The following MGAT5B variants were observed in gnomAD, a reference collection of about 807,000 sequenced individuals.
MGAT5B encodes N-acetylglucosaminyl-transferase Vb.
Under a neutral mutation model 95.1 loss-of-function variants are expected in MGAT5B, and 54 were observed. The observed-to-expected ratio is 0.57, with a 90% confidence interval of 0.46 to 0.71. The LOEUF (loss-of-function observed/expected upper bound fraction) is 0.71, where lower values mean the gene tolerates loss of function less well. Among genes scored for constraint, MGAT5B ranks in the 30% least tolerant of loss-of-function variants. The pLI is 0.00. For missense variants in MGAT5B, 935 were observed against 1,088.6 expected (o/e 0.86, Z 1.99); for synonymous variants, 464 against 451.0 (o/e 1.03, Z -0.36).
At position 76,948,960 on chromosome 17, in the gene MGAT5B, CTT is replaced by C; in HGVS notation, c.*123_*124del. 8.7e-7 allele frequency: 1 copy of C among 1,151,938 alleles called. No individual in the cohort carries two copies. Among genetic ancestry groups the C allele is most frequent in the Non-Finnish European group, 1.2e-6 (1 of 834,728 alleles). The allele number at this position is 1,151,938 out of a possible 1,614,324, so 71.4% of individuals were successfully genotyped here. A position where few individuals can be genotyped will look rare whatever the true frequency, so the allele number is the denominator to read the frequency against. ...CGCAACCCCCCCAGGCCGGAGCTTC[CTT>C]CCTTAGCCGGGAAGCTGGCAGAGGA... On this transcript the variant is annotated 3_prime_UTR_variant, in exon 18 of 18. Transcript: ENST00000569840.
intron 4 of MGAT5B, 41 bp from the exon 5 acceptor site, chr17:76,903,262 C>T (rs1464192080): frequency 1.3e-6 from 2 of 1,556,986 alleles, no homozygotes; most frequent in East Asian, 2.3e-5. Flanking sequence ...CTGGGCTCCT[C>T]CTTGGACCAG....
At chr17:76,893,182 G>A (rs1967941586) in intron 3 of MGAT5B, among the ~76,000 whole-genome samples, 1 of 152,080 alleles carries the variant, frequency 6.6e-6, no homozygotes, top group African/African-American at 2.4e-5. Context: ...ACACACCCCA[G>A]GTTGCTCTCT....
At chr17:76,924,722 A>G (rs1463743592) in intron 8 of MGAT5B, among the ~76,000 whole-genome samples, 1 of 152,232 alleles carries the variant, frequency 6.6e-6, no homozygotes, top group African/African-American at 2.4e-5. Context: ...TCTTCCTGGC[A>G]GGTAACCCAG....
At chr17:76,927,617 T>G (rs1969354682) in intron 10 of MGAT5B, among the ~76,000 whole-genome samples, 1 of 152,216 alleles carries the variant, frequency 6.6e-6, no homozygotes, top group Admixed American at 6.5e-5. Flanking sequence ...CTGAAAACAA[T>G]TTCACCTTTT....
At chr17:76,935,667 GTTGT>G (rs1458942420) in intron 12 of MGAT5B, among the ~76,000 whole-genome samples, 1 of 142,456 alleles carries the variant, frequency 7.0e-6, no homozygotes, top group Non-Finnish European at 1.5e-5. Context: ...AAAATATTAG[GTTGT>G]TTATTTTCTT....
chr17:76,947,292 G>A (rs573747584), intron 16 of MGAT5B, among the ~76,000 whole-genome samples: 1 of 152,214 alleles, frequency 6.6e-6, no homozygotes, highest in Non-Finnish European at 1.5e-5. Flanking sequence ...TTTACAGATG[G>A]GAATACTGAA....
At chr17:76,907,498 C>T (rs986377475) in intron 8 of MGAT5B, among the ~76,000 whole-genome samples, 1 of 114,920 alleles carries the variant, frequency 8.7e-6, no homozygotes, top group Non-Finnish European at 1.7e-5. Context: ...CAAACTCACT[C>T]TGTTTCAAAG....
At position 76,903,383 on chromosome 17, in the gene MGAT5B, C is replaced by T. The variant is rs770270162; in HGVS notation, c.519+7C>T. 1.9e-6 allele frequency: 3 copies of T among 1,607,904 alleles called. No individual in the cohort carries two copies. The highest frequency in any genetic ancestry group is 2.5e-6 in the Non-Finnish European group (3 of 1,176,878). ...CTGCTCAGGGAAGGTGGAGGTGAGG[C>T]CTGGGGCTGAGGGGTGGGGATGTCT... On this transcript the variant is annotated splice_region_variant and intron_variant, in intron 5 of 17. Transcript: ENST00000569840.
chr17:76,926,707 C>A lies in MGAT5B; in HGVS notation c.1268C>A (p.Pro423His). ...RTNWGYWNLN[P>H]KQFMTMFPHT... Reference sequence around the variant, plus strand: ...AACTGGGGCTACTGGAACCTCAACCCCAAGCAGTTCATGACCATGTTTCGT... The same window carrying A: ...AACTGGGGCTACTGGAACCTCAACCACAAGCAGTTCATGACCATGTTTCGT... The change falls in exon 10 of 18, where the codon CCC (proline) becomes CAC (histidine). Residue 423 changes from proline to histidine, a missense_variant. Around this residue, in one of 4 missense-constraint regions of MGAT5B, gnomAD observed 440 missense variants for 523.6 expected, o/e 0.84. Coordinates refer to ENST00000569840, the MANE Select transcript of MGAT5B (RefSeq NM_001199172.2). 6.2e-7 allele frequency: 1 copy of A among 1,612,756 alleles called. No individual in the cohort carries two copies. The highest frequency in any genetic ancestry group is 8.5e-7 in the Non-Finnish European group (1 of 1,179,924).
rs1968989884 is a variant in MGAT5B, at chr17:76,917,808, C to A, written c.1026-7158C>A. 6.6e-6 allele frequency among the ~76,000 whole-genome samples: 1 copy of A among 152,188 alleles called. No individual in the cohort carries two copies. Among genetic ancestry groups the A allele is most frequent in the Admixed American group, 6.5e-5 (1 of 15,280 alleles). ...TGAAAATAATCCCCGACGCCCAGGC[C>A]CCAGCCCGGAGCAAATAGAGGGACC... is the stretch of plus-strand genomic sequence containing the variant. On this transcript the variant is annotated intron_variant, in intron 8 of 17. Coordinates refer to ENST00000569840, the MANE Select transcript of MGAT5B (RefSeq NM_001199172.2). The surrounding 1 kb of genome is among the most constrained non-coding windows in gnomAD (Gnocchi z 6.1).
At chr17:76,899,678 T>A (rs1222547907) in intron 3 of MGAT5B, among the ~76,000 whole-genome samples, 3 of 152,092 alleles carry the variant, frequency 2.0e-5, no homozygotes, top group Non-Finnish European at 4.4e-5. Flanking sequence ...TATAAAAAAA[T>A]ATTCATTCCT....
At chr17:76,942,301 G>A (rs1329713783) in intron 15 of MGAT5B, among the ~76,000 whole-genome samples, 2 of 152,212 alleles carry the variant, frequency 1.3e-5, no homozygotes, top group Non-Finnish European at 2.9e-5. Flanking sequence ...GCCGAAGCGG[G>A]CGGATCACTT....
intron 3 of MGAT5B, among the ~76,000 whole-genome samples, chr17:76,899,316 G>A (rs1968218204): frequency 6.6e-6 from 1 of 152,154 alleles, no homozygotes; most frequent in Non-Finnish European, 1.5e-5. Flanking sequence ...CTGCAGCAGT[G>A]GAGGTTTCCC....
intron 1 of MGAT5B, chr17:76,872,610 G>A (rs931631014): frequency 4.0e-5 from 58 of 1,438,188 alleles, no homozygotes; most frequent in Middle Eastern, 1.9e-4. Context: ...GCCTAAGTGT[G>A]CGTCATTCTG....
At chr17:76,922,025 G>C (rs867875130) in intron 8 of MGAT5B, among the ~76,000 whole-genome samples, 1 of 152,156 alleles carries the variant, frequency 6.6e-6, no homozygotes. Flanking sequence ...CCTTAGAACC[G>C]CAGCGTGGTG....
At chr17:76,903,409 A>G in intron 5 of MGAT5B, 33 bp downstream of exon 5, 3 of 1,575,870 alleles carry the variant, frequency 1.9e-6, no homozygotes, top group Non-Finnish European at 1.7e-6. Context: ...GGGGATGTCT[A>G]CAGCTAGGGC....
intron 3 of MGAT5B, among the ~76,000 whole-genome samples, chr17:76,887,940 G>GT (rs1967722619): frequency 6.6e-6 from 1 of 151,764 alleles, no homozygotes; most frequent in Admixed American, 6.6e-5. Context: ...GCTCACTCGA[G>GT]TAAGAGCCCA....
Position 76,932,638 on chromosome 17 carries a change from G to A in MGAT5B, c.1292-7G>A, listed in dbSNP as rs1969529190. On this transcript the variant is annotated splice_region_variant and splice_polypyrimidine_tract_variant and intron_variant, in intron 10 of 17. Coordinates refer to ENST00000569840, the MANE Select transcript of MGAT5B (RefSeq NM_001199172.2). ...GACCCCATTCCTTCTGCGTGCTCGGGCTGCAGCTCATACCCCCGACAACTC... is the reference window on the plus strand; with the variant it reads ...GACCCCATTCCTTCTGCGTGCTCGGACTGCAGCTCATACCCCCGACAACTC... 2 of 1,613,596 alleles carry A rather than the reference G, an allele frequency of 1.2e-6. No homozygotes were observed. Among genetic ancestry groups the A allele is most frequent in the African/African-American group, 1.3e-5 (1 of 75,036 alleles).
Position 76,870,276 on chromosome 17 carries a change from G to T in MGAT5B, c.68+1179G>T, listed in dbSNP as rs147190641. ...CTGGGCCGAGGAGGCAACCCCAGGGGACGGCAGGGGTCAGGCTGGACCTCT... is the reference window on the plus strand; with the variant it reads ...CTGGGCCGAGGAGGCAACCCCAGGGTACGGCAGGGGTCAGGCTGGACCTCT... On this transcript the variant is annotated intron_variant, in intron 1 of 17. Transcript: ENST00000569840. The surrounding 1 kb of genome is among the most constrained non-coding windows in gnomAD (Gnocchi z 5.0). Among the ~76,000 whole-genome samples, 110 of 152,284 alleles carry T rather than the reference G, an allele frequency of 7.2e-4. No homozygotes were observed. Among genetic ancestry groups the T allele is most frequent in the Non-Finnish European group, 1.4e-3 (96 of 67,998 alleles).
Sources: gnomAD v4.1 joint callset for allele counts (sites outside exome capture counted in the v4.1 genomes callset) on GRCh38, gnomAD v4.1.1 for gene constraint, gnomAD v4.1.1 regional missense constraint, Gnocchi (gnomAD v3.1) non-coding constraint, MANE v1.5 for transcripts, NCBI Gene and HGNC (gene_info 2026-07-23, HGNC 2026-07-21) for gene names.